Variants in LPA observed in about 807,000 individuals in gnomAD.
LPA encodes the protein lipoprotein(a), also known as apolipoprotein(a).
A neutral mutation model predicts 197.9 loss-of-function variants in LPA; 199 were observed. The observed-to-expected ratio is 1.01, with a 90% CI of 0.90 to 1.13. The LOEUF (loss-of-function observed/expected upper bound fraction) is 1.13, where lower values mean the gene tolerates loss of function less well. LPA is among the 50% of genes most tolerant of loss of function. The pLI, the probability that LPA is intolerant of heterozygous loss-of-function variation, is 0.00. For synonymous variants in LPA, 715 were observed against 639.5 expected (o/e 1.12, Z -1.78); for missense variants, 1,853 against 1,785.8 (o/e 1.04, Z -0.68).
chr6:160,634,998 C>A (rs562371273), intron 7 of LPA, 125 bp downstream of exon 7: 10 of 1,506,726 alleles, frequency 6.6e-6, no homozygotes, highest in African/African-American at 1.4e-5. Context: ...CTTCCCCCAA[C>A]ATGGCAGAAC....
At chr6:160,536,578 AC>A (rs1398934877) in intron 37 of LPA, among the ~76,000 whole-genome samples, 1 of 152,046 alleles carries the variant, frequency 6.6e-6, no homozygotes, top group East Asian at 1.9e-4. Context: ...TGTCTGTACC[AC>A]CCTCCACCTT....
intron 1 of LPA, among the ~76,000 whole-genome samples, chr6:160,651,774 A>T (rs377608357): frequency 1.2e-4 from 18 of 152,208 alleles, no homozygotes; most frequent in African/African-American, 3.9e-4. Flanking sequence ...AATATGTTAA[A>T]GAATCTTGTG....
intron 26 of LPA, among the ~76,000 whole-genome samples, chr6:160,583,427 G>A (rs1436273023): frequency 1.3e-5 from 2 of 152,146 alleles, no homozygotes; most frequent in East Asian, 1.9e-4. Context: ...TTCTAGGAAT[G>A]CATTAATTCT....
At chr6:160,572,265 A>G (rs1361148178) in intron 28 of LPA, among the ~76,000 whole-genome samples, 2 of 151,914 alleles carry the variant, frequency 1.3e-5, no homozygotes, top group African/African-American at 4.8e-5. Flanking sequence ...TGCAGAAATG[A>G]CCCACCCTAT....
rs780910147 is a variant in LPA at position 160,650,327 on chromosome 6, T to A, written c.209+11A>T. On this transcript the variant is annotated intron_variant, in intron 2 of 38. Coordinates refer to ENST00000316300, the MANE Select transcript of LPA (RefSeq NM_005577.4). The stretch of plus-strand genomic sequence containing the variant: ...GACCTTGTTTTGCTTACTGTAAGAT[T>A]AATGACATACGCATTTGGGTAGTTT... The A allele has an allele frequency of 2.5e-6, 4 of 1,612,734 alleles. No homozygotes were observed. The Admixed American group carries it at 6.7e-5, about 27-fold the overall frequency.
chr6:160,545,173 A>G (rs1268206930), intron 33 of LPA, among the ~76,000 whole-genome samples: 3 of 151,778 alleles, frequency 2.0e-5, no homozygotes, highest in Middle Eastern at 3.2e-3. Context: ...GGCTGATTAG[A>G]TCACCTCTAA....
At chr6:160,597,477 C>A (rs746932198) in intron 20 of LPA, among the ~76,000 whole-genome samples, 46 of 151,990 alleles carry the variant, frequency 3.0e-4, no homozygotes, top group Non-Finnish European at 4.9e-4. Flanking sequence ...GGTGTGTGCA[C>A]GTGTGCCATT....
At chr6:160,564,672 G>A (rs908589292) in intron 28 of LPA, among the ~76,000 whole-genome samples, 28 of 152,312 alleles carry the variant, frequency 1.8e-4, no homozygotes, top group South Asian at 1.2e-3. Context: ...TGCAGCCCAC[G>A]GAGAGTGAGC....
chr6:160,655,946 C>A (rs1275449116), intron 1 of LPA, among the ~76,000 whole-genome samples: 1 of 152,262 alleles, frequency 6.6e-6, no homozygotes, highest in East Asian at 1.9e-4. Flanking sequence ...CAGCTGAAGG[C>A]AAATTGCTTC....
chr6:160,597,686 T>C lies in LPA; in HGVS notation c.3287+1814A>G, dbSNP rs567700992. ...TTGATATGATATCTGTTACGTTCCATGTTTATGTTTTCTTAAATCCAGCAA... is the reference window on the plus strand; with the variant it reads ...TTGATATGATATCTGTTACGTTCCACGTTTATGTTTTCTTAAATCCAGCAA... On this transcript the variant is annotated intron_variant, in intron 20 of 38. Transcript: ENST00000316300. Among the ~76,000 whole-genome samples the C allele has an allele frequency of 7.2e-5, 11 of 152,352 alleles. No individual in the cohort carries two copies. The South Asian group carries it at 1.7e-3, about 23-fold the overall frequency.
chr6:160,567,710 G>T (rs983150364), intron 28 of LPA, among the ~76,000 whole-genome samples: 20 of 152,108 alleles, frequency 1.3e-4, no homozygotes, highest in Admixed American at 1.3e-3. Flanking sequence ...CCAGGAGCTG[G>T]TTTTTTGAAA....
chr6:160,661,879 A>G (rs929034857), intron 1 of LPA, among the ~76,000 whole-genome samples: 2 of 152,226 alleles, frequency 1.3e-5, no homozygotes, highest in Non-Finnish European at 2.9e-5. Flanking sequence ...TGCTTCCTAC[A>G]GTGAGTTCAG....
chr6:160,542,575 A>T, intron 34 of LPA, 113 bp downstream of exon 34: 1 of 1,492,270 alleles, frequency 6.7e-7, no homozygotes, highest in Non-Finnish European at 9.0e-7. Context: ...TCCTTCAGAA[A>T]ACAGAGAGGC....
intron 35 of LPA, 23 bp downstream of exon 35, chr6:160,541,084 T>C: frequency 1.2e-6 from 2 of 1,607,934 alleles, no homozygotes; most frequent in Admixed American, 3.3e-5. Flanking sequence ...TAAGACCCCA[T>C]GTCAGTTTTC....
intron 1 of LPA, among the ~76,000 whole-genome samples, chr6:160,661,261 G>T (rs1780221486): frequency 6.6e-6 from 1 of 152,368 alleles, no homozygotes; most frequent in South Asian, 2.1e-4. Flanking sequence ...CACTTTGAGG[G>T]GTGTGGTGGG....
chr6:160,634,962 T>C (rs1462408111), intron 7 of LPA, among the ~76,000 whole-genome samples, 161 bp downstream of exon 7: 1 of 150,246 alleles, frequency 6.7e-6, no homozygotes, highest in Non-Finnish European at 1.5e-5. Flanking sequence ...ATCACTCCGC[T>C]GGCTCCCCCA....
intron 1 of LPA, among the ~76,000 whole-genome samples, chr6:160,654,020 A>ATATT (rs1554243819): frequency 0.035 from 129 of 3,704 alleles, 7 homozygotes; most frequent in African/African-American, 0.073. Flanking sequence ...TATTATATAT[A>ATATT]ATATATAATA....
intron 1 of LPA, among the ~76,000 whole-genome samples, chr6:160,653,947 AT>A (rs2115102926): frequency 2.0e-5 from 1 of 49,484 alleles, no homozygotes; most frequent in South Asian, 5.9e-4. Context: ...TATTTTATAT[AT>A]ATTATATATA....
In LPA at chr6:160,542,745, A is replaced by G. The variant is rs778895520; in HGVS notation, c.5462T>C (p.Val1821Ala). 17 of 1,614,072 alleles carry G rather than the reference A, an allele frequency of 1.1e-5. No individual in the cohort carries two copies. Among genetic ancestry groups the G allele is most frequent in the Non-Finnish European group, 1.4e-5 (17 of 1,179,982 alleles). Reference sequence around the variant, plus strand: ...ATGTGGGTGGGCCACACACCCCCCTACAATGCTTCCAGGACATTTCTTCGG... The same window carrying G: ...ATGTGGGTGGGCCACACACCCCCCTGCAATGCTTCCAGGACATTTCTTCGG... ...VEPKKCPGSI[V>A]GGCVAHPHSW... is the part of the protein sequence containing the mutation. Residue 1821 changes from valine (V) to alanine (A), a missense_variant, in exon 34 of 39, where the codon GTA (valine) becomes GCA (alanine). Val to Ala is a moderately conservative substitution (Grantham distance 64). This residue lies in a region of LPA where 1,737 missense variants were observed against 1,504.4 expected (regional missense o/e 1.15). Transcript: ENST00000316300.
Sources: allele counts gnomAD v4.1 joint callset (sites outside exome capture counted in the v4.1 genomes callset), GRCh38; gene constraint gnomAD v4.1.1; regional missense constraint gnomAD v4.1.1; transcripts MANE v1.5; gene names NCBI Gene and HGNC (gene_info 2026-07-23, HGNC 2026-07-21).